Variants in NEK11 observed in about 807,000 individuals in gnomAD.
The protein encoded by NEK11 is NIMA related kinase 11, also known as serine/threonine-protein kinase Nek11.
Under a neutral mutation model 80.7 loss-of-function variants are expected in NEK11, and 72 were observed. The observed-to-expected ratio is 0.89, with a 90% CI of 0.74 to 1.08. The LOEUF is 1.08. Among genes scored for constraint, NEK11 ranks in the 50% least tolerant of loss-of-function variants. The pLI, the probability that NEK11 is intolerant of heterozygous loss-of-function variation, is 0.00. For synonymous variants in NEK11, 251 were observed against 260.7 expected (o/e 0.96, Z 0.36); for missense variants, 764 against 763.6 (o/e 1.00, Z -0.01).
intron 5 of NEK11, among the ~76,000 whole-genome samples, chr3:131,131,506 G>A (rs2149575723): frequency 6.6e-6 from 1 of 152,266 alleles, no homozygotes; most frequent in South Asian, 2.1e-4. Context: ...TGTGGTTATA[G>A]ATTGTTAATA....
chr3:131,076,520 A>T (rs2074380078), intron 3 of NEK11, among the ~76,000 whole-genome samples: 1 of 152,194 alleles, frequency 6.6e-6, no homozygotes. Context: ...AAAAATCTTA[A>T]AACCCCTGAT....
chr3:131,247,502 TG>T (rs1462970029), intron 16 of NEK11, among the ~76,000 whole-genome samples: 6 of 152,158 alleles, frequency 3.9e-5, no homozygotes, highest in African/African-American at 1.4e-4. Flanking sequence ...ACCAGTACCA[TG>T]TTGTTTTGAT....
chr3:131,213,918 A>G (rs947981304), intron 14 of NEK11, among the ~76,000 whole-genome samples: 7 of 152,226 alleles, frequency 4.6e-5, no homozygotes, highest in Non-Finnish European at 8.8e-5. Context: ...TCATGAGGGT[A>G]GAGCCCACAG....
intron 14 of NEK11, among the ~76,000 whole-genome samples, chr3:131,177,340 T>TA (rs1201133233): frequency 6.6e-6 from 1 of 152,194 alleles, no homozygotes; most frequent in Non-Finnish European, 1.5e-5. Flanking sequence ...CAGTTAGTAA[T>TA]ACCAATCTGA....
chr3:131,077,759 T>C (rs2074599164), intron 3 of NEK11, among the ~76,000 whole-genome samples: 1 of 152,214 alleles, frequency 6.6e-6, no homozygotes, highest in Non-Finnish European at 1.5e-5. Context: ...TGCTGCTTTG[T>C]AATCTTCAGT....
intron 3 of NEK11, 59 bp downstream of exon 3, chr3:131,029,937 G>T (rs781090476): frequency 1.2e-4 from 179 of 1,520,662 alleles, no homozygotes; most frequent in Non-Finnish European, 1.6e-4. Context: ...GCAGGTCTTA[G>T]CTGATTAGGA....
At chr3:131,196,068 A>G (rs1182110658) in intron 14 of NEK11, among the ~76,000 whole-genome samples, 2 of 151,670 alleles carry the variant, frequency 1.3e-5, no homozygotes, top group Non-Finnish European at 2.9e-5. Context: ...TAAATAGAAT[A>G]TGAAAAATGA....
At chr3:131,233,976 A>G (rs2095384174) in intron 15 of NEK11, among the ~76,000 whole-genome samples, 1 of 152,242 alleles carries the variant, frequency 6.6e-6, no homozygotes, top group South Asian at 2.1e-4. Context: ...GACTGTATGA[A>G]TTTATTTTTA....
chr3:131,303,603 T>A (rs2096686606), intron 17 of NEK11, among the ~76,000 whole-genome samples: 1 of 151,918 alleles, frequency 6.6e-6, no homozygotes, highest in Non-Finnish European at 1.5e-5. Context: ...TTGTTTTTTG[T>A]TTATGAAGCT....
In NEK11 at chr3:131,244,797, G is replaced by T. The variant is rs552487890; in HGVS notation, c.1621+1301G>T. 5.9e-5 allele frequency among the ~76,000 whole-genome samples: 9 copies of T among 152,100 alleles called. No homozygotes were observed. In the East Asian group the frequency reaches 1.8e-3, roughly 30 times the overall value. The stretch of plus-strand genomic sequence containing the variant: ...AATTCAGCCAGGCATGATAGCCTGT[G>T]CCTGGAGTCCTAACTCCATGGGATG... On this transcript the variant is annotated intron_variant, in intron 16 of 17. Transcript: ENST00000383366.
intron 4 of NEK11, among the ~76,000 whole-genome samples, chr3:131,087,576 C>T (rs1046795681): frequency 4.6e-5 from 7 of 152,110 alleles, no homozygotes; most frequent in Non-Finnish European, 1.0e-4. Flanking sequence ...CTGCTAGTAA[C>T]TTTGAGGCAA....
intron 17 of NEK11, among the ~76,000 whole-genome samples, chr3:131,293,543 T>C (rs1373997784): frequency 6.6e-6 from 1 of 150,446 alleles, no homozygotes; most frequent in Non-Finnish European, 1.5e-5. Flanking sequence ...TACTGGTCTG[T>C]AGTTTAATTT....
chr3:131,322,267 T>C (rs1042503386), intron 17 of NEK11, among the ~76,000 whole-genome samples: 1 of 152,132 alleles, frequency 6.6e-6, no homozygotes, highest in Admixed American at 6.6e-5. Flanking sequence ...ATGTTGTCAC[T>C]TATAGGCAAT....
intron 5 of NEK11, among the ~76,000 whole-genome samples, chr3:131,114,291 A>G (rs754738333): frequency 4.4e-4 from 44 of 100,774 alleles, no homozygotes; most frequent in Non-Finnish European, 7.6e-4. Flanking sequence ...AAACATTTAT[A>G]AATAATTAAA....
At chr3:131,167,546 A>G (rs536902727) in intron 12 of NEK11, among the ~76,000 whole-genome samples, 2 of 152,282 alleles carry the variant, frequency 1.3e-5, no homozygotes, top group Non-Finnish European at 2.9e-5. Context: ...TATTGGTGTT[A>G]TAACTATACT....
rs181596825 is a variant in NEK11 at position 131,056,682 on chromosome 3, G to C, written c.171-23741G>C. 9.6e-4 allele frequency among the ~76,000 whole-genome samples: 146 copies of C among 152,288 alleles called. 1 individual carries two copies. The highest frequency in any genetic ancestry group is 1.7e-3 in the South Asian group (8 of 4,828). On this transcript the variant is annotated intron_variant, in intron 3 of 17. Transcript: ENST00000383366. The stretch of plus-strand genomic sequence containing the variant: ...CCCTATTGGTCAGAAATCATTGCCA[G>C]CTTGTTCTCTATGGTTCTAGTGGAG...
At chr3:131,040,917 A>G (rs2066381636) in intron 3 of NEK11, among the ~76,000 whole-genome samples, 1 of 152,168 alleles carries the variant, frequency 6.6e-6, no homozygotes, top group African/African-American at 2.4e-5. Context: ...ATTAGTTTGA[A>G]TTTTGAGAAA....
intron 4 of NEK11, among the ~76,000 whole-genome samples, 194 bp downstream of exon 4, chr3:131,080,782 C>T (rs1032654610): frequency 5.9e-5 from 9 of 152,088 alleles, no homozygotes; most frequent in Non-Finnish European, 1.3e-4. Flanking sequence ...AAGGGTTTTT[C>T]CCTCCATTGG....
intron 4 of NEK11, among the ~76,000 whole-genome samples, chr3:131,103,020 A>G (rs115256401): frequency 1.2e-3 from 179 of 152,226 alleles, no homozygotes; most frequent in African/African-American, 4.1e-3. Context: ...TAGAAGCTCA[A>G]TTTGGTTCTT....
Sources: gnomAD v4.1 joint callset for allele counts (sites outside exome capture counted in the v4.1 genomes callset) on GRCh38, gnomAD v4.1.1 for gene constraint, MANE v1.5 for transcripts, NCBI Gene and HGNC (gene_info 2026-07-23, HGNC 2026-07-21) for gene names.